The following CNTNAP2 variants were observed in gnomAD, a reference collection of about 807,000 sequenced individuals.
The protein encoded by CNTNAP2 is contactin associated protein 2.
In CNTNAP2, 98 loss-of-function variants were observed where a neutral mutation model predicts 155.2. That is an observed-to-expected ratio of 0.63 (90% CI 0.54 to 0.75). The LOEUF is 0.75. Ranked by LOEUF, CNTNAP2 falls within the 30% of genes least tolerant of loss-of-function variation. CNTNAP2 has a pLI of 0.00. For synonymous variants in CNTNAP2, 651 were observed against 631.2 expected (o/e 1.03, Z -0.47); for missense variants, 1,727 against 1,688.1 (o/e 1.02, Z -0.40).
chr7:147,186,769 A>G (rs903355906), intron 8 of CNTNAP2, among the ~76,000 whole-genome samples: 1 of 152,218 alleles, frequency 6.6e-6, no homozygotes, highest in African/African-American at 2.4e-5. Context: ...ATGTGAGCAC[A>G]GTGGGCCTTC....
At chr7:147,832,423 A>C (rs1798564401) in intron 13 of CNTNAP2, among the ~76,000 whole-genome samples, 1 of 146,670 alleles carries the variant, frequency 6.8e-6, no homozygotes, top group Non-Finnish European at 1.5e-5. Flanking sequence ...TGAGTCAAAA[A>C]CGTGATTCAA....
chr7:146,312,352 T>C (rs902686122), intron 1 of CNTNAP2, among the ~76,000 whole-genome samples: 2 of 152,186 alleles, frequency 1.3e-5, no homozygotes, highest in African/African-American at 4.8e-5. Flanking sequence ...TCGGAATAAC[T>C]GGTAACACAT....
At chr7:147,599,424 G>A (rs62483178) in intron 12 of CNTNAP2, among the ~76,000 whole-genome samples, 58,864 of 149,536 alleles carry the variant, frequency 0.39, 11,612 homozygotes, top group Admixed American at 0.44. Context: ...TGGAGGTTGC[G>A]GTAAGCCAAG....
At chr7:146,759,258 G>T (rs1802044731) in intron 1 of CNTNAP2, among the ~76,000 whole-genome samples, 1 of 152,016 alleles carries the variant, frequency 6.6e-6, no homozygotes. Flanking sequence ...TTTCTTTACT[G>T]GTGAAATACA....
intron 13 of CNTNAP2, among the ~76,000 whole-genome samples, chr7:147,727,097 T>C (rs555901847): frequency 4.1e-4 from 63 of 151,992 alleles, no homozygotes; most frequent in African/African-American, 1.4e-3. Context: ...GTATACCAAT[T>C]AGACCTCAAT....
At chr7:146,423,227 A>G (rs1245980831) in intron 1 of CNTNAP2, among the ~76,000 whole-genome samples, 1 of 152,128 alleles carries the variant, frequency 6.6e-6, no homozygotes, top group African/African-American at 2.4e-5. Flanking sequence ...GTAAAATAAC[A>G]TATTGAACTT....
intron 15 of CNTNAP2, among the ~76,000 whole-genome samples, chr7:147,995,299 A>C (rs1443519916): frequency 6.6e-6 from 1 of 152,160 alleles, no homozygotes; most frequent in African/African-American, 2.4e-5. Flanking sequence ...CCTGAAATCT[A>C]ACTTGGTGGG....
chr7:147,103,899 GA>G (rs919355449), intron 4 of CNTNAP2, among the ~76,000 whole-genome samples: 76 of 152,162 alleles, frequency 5.0e-4, no homozygotes, highest in African/African-American at 1.7e-3. Flanking sequence ...TGCTCTTCTA[GA>G]GGGTCAAGGT....
intron 13 of CNTNAP2, among the ~76,000 whole-genome samples, chr7:147,722,180 C>G (rs1021659116): frequency 2.0e-5 from 3 of 152,152 alleles, no homozygotes; most frequent in African/African-American, 7.2e-5. Context: ...CAGACCAATC[C>G]CTTCTCTTTG....
intron 9 of CNTNAP2, among the ~76,000 whole-genome samples, chr7:147,373,507 A>G (rs1260158258): frequency 1.3e-5 from 2 of 152,070 alleles, no homozygotes; most frequent in East Asian, 1.9e-4. Flanking sequence ...TGGTTAAATT[A>G]TTTTGACAGC....
intron 1 of CNTNAP2, among the ~76,000 whole-genome samples, chr7:146,274,574 G>T (rs564587390): frequency 9.2e-5 from 14 of 152,240 alleles, no homozygotes; most frequent in African/African-American, 3.4e-4. Flanking sequence ...TTCAGTATGT[G>T]CAGTTTGTTC....
intron 2 of CNTNAP2, among the ~76,000 whole-genome samples, chr7:146,776,038 A>G (rs1264490411): frequency 6.6e-6 from 1 of 152,192 alleles, no homozygotes. Flanking sequence ...AAATTTTAAT[A>G]TATTTCTCTC....
intron 21 of CNTNAP2, among the ~76,000 whole-genome samples, chr7:148,297,187 A>AGGAAGGAAGGAG (rs1554413959): frequency 1.3e-5 from 2 of 150,418 alleles, no homozygotes; most frequent in African/African-American, 2.5e-5. Context: ...GAAGGAAGGA[A>AGGAAGGAAGGAG]GGAAGGAAGG....
At position 148,169,411 on chromosome 7, in the gene CNTNAP2, G is replaced by C. The variant is rs755898919; in HGVS notation, c.2774-2831G>C. Among the ~76,000 whole-genome samples, 4 of 152,138 alleles carry C rather than the reference G, an allele frequency of 2.6e-5. No individual in the cohort carries two copies. In the South Asian group the frequency reaches 8.3e-4, roughly 31 times the overall value. On this transcript the variant is annotated intron_variant, in intron 17 of 23. Transcript: ENST00000361727. Reference sequence around the variant, plus strand: ...TTTAAAGTGCCTTTAAAATGTATATGCCCTTCATCCTAGCAATTAGACTTA... The same window carrying C: ...TTTAAAGTGCCTTTAAAATGTATATCCCCTTCATCCTAGCAATTAGACTTA...
At position 146,483,310 on chromosome 7, in the gene CNTNAP2, T is replaced by C. The variant is rs201117717; in HGVS notation, c.98-290961T>C. 6.0e-3 allele frequency among the ~76,000 whole-genome samples: 541 copies of C among 90,468 alleles called. 36 individuals are homozygous for C. The highest frequency in any genetic ancestry group is 0.021 in the African/African-American group (412 of 19,758). 59.4% of individuals were successfully genotyped at this position (90,468 alleles called of 152,430 possible). On this transcript the variant is annotated intron_variant, in intron 1 of 23. Coordinates refer to ENST00000361727, the MANE Select transcript of CNTNAP2 (RefSeq NM_014141.6). Reference sequence around the variant, plus strand: ...ATATATATATATATATATATATATATATATATATATATATATATACATATA... The same window carrying C: ...ATATATATATATATATATATATATACATATATATATATATATATACATATA...
At chr7:146,192,217 G>A (rs4317488) in intron 1 of CNTNAP2, among the ~76,000 whole-genome samples, 44,149 of 151,992 alleles carry the variant, frequency 0.29, 7,280 homozygotes, top group African/African-American at 0.45. Flanking sequence ...TATTTAGTAC[G>A]TTTAAAATAT....
rs371790529 is a variant in CNTNAP2, at chr7:146,679,743, C to T, written c.98-94528C>T. Among the ~76,000 whole-genome samples, 62 of 152,168 alleles carry T rather than the reference C, an allele frequency of 4.1e-4. 2 individuals carry two copies. Among genetic ancestry groups the T allele is most frequent in the African/African-American group, 1.5e-3 (62 of 41,532 alleles). Reference sequence around the variant, plus strand: ...CTTTCCCTCTTTTCTCTGTTAATCTCTTTCCCTTCGTTTCTTCTTTCTTTT... The same window carrying T: ...CTTTCCCTCTTTTCTCTGTTAATCTTTTTCCCTTCGTTTCTTCTTTCTTTT... On this transcript the variant is annotated intron_variant, in intron 1 of 23. Coordinates refer to ENST00000361727, the MANE Select transcript of CNTNAP2 (RefSeq NM_014141.6).
chr7:148,283,259 G>T (rs199580115), intron 21 of CNTNAP2, among the ~76,000 whole-genome samples: 3 of 39,138 alleles, frequency 7.7e-5, no homozygotes, highest in African/African-American at 2.6e-4. Flanking sequence ...AAAAAAAAAA[G>T]AAAGAAAGAA....
At chr7:147,828,037 G>A (rs79755166) in intron 13 of CNTNAP2, among the ~76,000 whole-genome samples, 6,755 of 152,150 alleles carry the variant, frequency 0.044, 268 homozygotes, top group Admixed American at 0.12. Flanking sequence ...AAAGGAATTC[G>A]TTTAAAACAT....
Sources: gnomAD v4.1 joint callset for allele counts (sites outside exome capture counted in the v4.1 genomes callset) on GRCh38, gnomAD v4.1.1 for gene constraint, MANE v1.5 for transcripts, NCBI Gene and HGNC (gene_info 2026-07-23, HGNC 2026-07-21) for gene names.